RBFOX1: variants seen among roughly 807,000 people sequenced by gnomAD.
RBFOX1 encodes the protein RNA binding protein fox-1 homolog 1.
A neutral mutation model predicts 57.7 loss-of-function variants in RBFOX1; 8 were observed. That is an observed-to-expected ratio of 0.14 (90% CI 0.08 to 0.25). The LOEUF (loss-of-function observed/expected upper bound fraction) is 0.25. RBFOX1 is among the 10% of genes least tolerant of loss of function. The pLI is 1.00. For missense variants in RBFOX1, 611 were observed against 548.5 expected (o/e 1.11, Z -1.14); for synonymous variants, 326 against 222.4 (o/e 1.47, Z -4.15).
At chr16:7,040,901 TG>T (rs1442798200) in intron 3 of RBFOX1, among the ~76,000 whole-genome samples, 7 of 91,076 alleles carry the variant, frequency 7.7e-5, no homozygotes, top group Admixed American at 2.2e-4. Flanking sequence ...TTTTTTGTTT[TG>T]TTTTTTTGTT....
intron 4 of RBFOX1, among the ~76,000 whole-genome samples, chr16:5,968,339 T>A (rs2059892660): frequency 6.6e-6 from 1 of 152,050 alleles, no homozygotes; most frequent in Non-Finnish European, 1.5e-5. Context: ...CCTCCCCAAG[T>A]GCTGGGATTA....
chr16:6,814,902 C>T (rs544831665), intron 3 of RBFOX1, among the ~76,000 whole-genome samples: 1 of 152,118 alleles, frequency 6.6e-6, no homozygotes, highest in African/African-American at 2.4e-5. Context: ...GGGGCGAGTC[C>T]ATAGAGTAAA....
At chr16:7,458,960 G>A (rs1002729485) in intron 4 of RBFOX1, among the ~76,000 whole-genome samples, 4 of 152,234 alleles carry the variant, frequency 2.6e-5, no homozygotes, top group African/African-American at 9.6e-5. Context: ...TCCTTGCAGT[G>A]CCTTTCACAA....
At chr16:6,064,126 C>G (rs2095726840) in intron 1 of RBFOX1, among the ~76,000 whole-genome samples, 2 of 152,136 alleles carry the variant, frequency 1.3e-5, no homozygotes, top group Non-Finnish European at 2.9e-5. Context: ...AAGCTCCTTA[C>G]TACTGAAGGT....
chr16:5,995,703 T>C (rs1318420712), intron 4 of RBFOX1, among the ~76,000 whole-genome samples: 2 of 152,160 alleles, frequency 1.3e-5, no homozygotes, highest in Admixed American at 6.5e-5. Context: ...TGGAAAATCT[T>C]TGATATAAAC....
At chr16:7,581,807 C>G (rs2093785860) in intron 6 of RBFOX1, among the ~76,000 whole-genome samples, 1 of 152,070 alleles carries the variant, frequency 6.6e-6, no homozygotes, top group African/African-American at 2.4e-5. Context: ...AATTCTTGGG[C>G]TCAAGGGATC....
intron 13 of RBFOX1, among the ~76,000 whole-genome samples, chr16:7,670,293 A>G (rs1568378679): frequency 6.6e-6 from 1 of 152,168 alleles, no homozygotes; most frequent in Admixed American, 6.5e-5. Flanking sequence ...TGGCCTCCCA[A>G]AGTGCTAGGA....
intron 1 of RBFOX1, among the ~76,000 whole-genome samples, chr16:5,439,951 A>T (rs536457165): frequency 2.0e-5 from 3 of 152,340 alleles, no homozygotes; most frequent in East Asian, 3.9e-4. Flanking sequence ...GGCAGCTTGG[A>T]AGTGCCTTTA....
At chr16:5,498,370 C>T (rs1031610959) in intron 2 of RBFOX1, among the ~76,000 whole-genome samples, 1 of 152,162 alleles carries the variant, frequency 6.6e-6, no homozygotes, top group Non-Finnish European at 1.5e-5. Context: ...TCTCAACCTC[C>T]TGAACTCAAG....
chr16:6,526,746 C>T (rs961611518), intron 2 of RBFOX1, among the ~76,000 whole-genome samples: 6 of 134,986 alleles, frequency 4.4e-5, no homozygotes, highest in Admixed American at 1.7e-4. Context: ...AGGAGAATGG[C>T]TTGAACCTGG....
At chr16:7,008,641 C>A in intron 3 of RBFOX1, among the ~76,000 whole-genome samples, 1 of 96,386 alleles carries the variant, frequency 1.0e-5, no homozygotes, top group Non-Finnish European at 1.9e-5. Context: ...TTCCTCCCTC[C>A]CTTCCTTCCT....
chr16:6,906,383 T>TA (rs1458312035), intron 3 of RBFOX1, among the ~76,000 whole-genome samples: 1 of 151,942 alleles, frequency 6.6e-6, no homozygotes, highest in Non-Finnish European at 1.5e-5. Flanking sequence ...CCGAAACTCA[T>TA]AAAAAATACA....
chr16:7,272,867 C>G (rs1328289217), intron 4 of RBFOX1, among the ~76,000 whole-genome samples: 1 of 120,138 alleles, frequency 8.3e-6, no homozygotes, highest in African/African-American at 3.1e-5. Flanking sequence ...CCCTTCCGTT[C>G]TTCCCTTCCT....
chr16:5,468,914 C>A (rs533074859), intron 2 of RBFOX1, among the ~76,000 whole-genome samples: 1 of 152,228 alleles, frequency 6.6e-6, no homozygotes, highest in Non-Finnish European at 1.5e-5. Flanking sequence ...CGCCCCGTCC[C>A]TTAGCTTAAT....
At chr16:6,731,871 C>T (rs188001973) in intron 3 of RBFOX1, among the ~76,000 whole-genome samples, 2 of 152,258 alleles carry the variant, frequency 1.3e-5, no homozygotes, top group East Asian at 3.9e-4. Context: ...CTAGGGGAAT[C>T]CAAACAAACA....
intron 4 of RBFOX1, among the ~76,000 whole-genome samples, chr16:7,380,320 T>G (rs2097764461): frequency 6.6e-6 from 1 of 152,208 alleles, no homozygotes; most frequent in Non-Finnish European, 1.5e-5. Flanking sequence ...CCCCATCATT[T>G]AATAATTGTT....
chr16:6,043,673 T>C (rs540508195), intron 1 of RBFOX1, among the ~76,000 whole-genome samples: 1 of 152,102 alleles, frequency 6.6e-6, no homozygotes, highest in Non-Finnish European at 1.5e-5. Flanking sequence ...TGAAGAGACA[T>C]AGGATTTTAT....
chr16:6,065,151 C>T (rs1011617510), intron 1 of RBFOX1, among the ~76,000 whole-genome samples: 2 of 151,778 alleles, frequency 1.3e-5, no homozygotes, highest in South Asian at 4.2e-4. Context: ...CCTCATCCCC[C>T]AGAGTGGCTG....
At chr16:6,689,326 A>G (rs1025023988) in intron 3 of RBFOX1, among the ~76,000 whole-genome samples, 1 of 152,174 alleles carries the variant, frequency 6.6e-6, no homozygotes, top group Admixed American at 6.6e-5. Flanking sequence ...TTTGAAATAT[A>G]AGGAAGGTAT....
Sources: allele counts gnomAD v4.1 joint callset (sites outside exome capture counted in the v4.1 genomes callset), GRCh38; gene constraint gnomAD v4.1.1; transcripts MANE v1.5; gene names NCBI Gene and HGNC (gene_info 2026-07-23, HGNC 2026-07-21).